MAF: variants seen among roughly 807,000 people sequenced by gnomAD.
MAF encodes the protein transcription factor Maf.
A neutral mutation model predicts 22.0 loss-of-function variants in MAF; 10 were observed. The observed-to-expected ratio is 0.45, with a 90% CI of 0.28 to 0.77. The LOEUF (loss-of-function observed/expected upper bound fraction) is 0.77. Among genes scored for constraint, MAF ranks in the 30% least tolerant of loss-of-function variants. The pLI, the probability that MAF is intolerant of heterozygous loss-of-function variation, is 0.12. For synonymous variants in MAF, 337 were observed against 255.8 expected (o/e 1.32, Z -3.03); for missense variants, 544 against 548.4 (o/e 0.99, Z 0.08).
chr16:79,450,527 G>T, the MAF span, among the ~76,000 whole-genome samples: 1 of 152,174 alleles, frequency 6.6e-6, no homozygotes, highest in African/African-American at 2.4e-5. Flanking sequence ...CAACCCCCTG[G>T]CCTGATAGCA....
chr16:79,290,884 T>C, the MAF span, among the ~76,000 whole-genome samples: 1 of 152,240 alleles, frequency 6.6e-6, no homozygotes, highest in Non-Finnish European at 1.5e-5. Context: ...TCCCAATCTC[T>C]ACCCCCAAAA....
the MAF span, among the ~76,000 whole-genome samples, chr16:79,226,676 G>A: frequency 6.6e-6 from 1 of 152,038 alleles, no homozygotes. Context: ...ATGAAAAAGT[G>A]CTAATAATGT....
At chr16:79,398,702 C>T in the MAF span, among the ~76,000 whole-genome samples, 3 of 151,846 alleles carry the variant, frequency 2.0e-5, no homozygotes, top group Non-Finnish European at 4.4e-5. Flanking sequence ...TGGACTTGAC[C>T]TCCCCATCCA....
the MAF span, among the ~76,000 whole-genome samples, chr16:79,363,696 T>C: frequency 6.6e-6 from 1 of 152,042 alleles, no homozygotes; most frequent in Non-Finnish European, 1.5e-5. Context: ...CCTGAAAGCA[T>C]AAAGGAAGAA....
the MAF span, among the ~76,000 whole-genome samples, chr16:79,220,308 T>C: frequency 6.6e-6 from 1 of 150,398 alleles, no homozygotes; most frequent in African/African-American, 2.4e-5. Flanking sequence ...GCATTTAAGT[T>C]TGGGGGGCAG....
the MAF span, among the ~76,000 whole-genome samples, chr16:79,462,751 T>C: frequency 1.2e-4 from 19 of 152,356 alleles, no homozygotes; most frequent in African/African-American, 4.6e-4. Flanking sequence ...TTTGGACCTA[T>C]ACCTACACAT....
At chr16:79,327,782 T>C in the MAF span, among the ~76,000 whole-genome samples, 8 of 152,192 alleles carry the variant, frequency 5.3e-5, no homozygotes, top group Non-Finnish European at 1.0e-4. Context: ...AGGAAGATAC[T>C]CTTAGAAGCT....
chr16:79,207,397 G>T, the MAF span, among the ~76,000 whole-genome samples: 1,625 of 152,318 alleles, frequency 0.011, 21 homozygotes, highest in African/African-American at 0.03. Context: ...TTAGTCATGG[G>T]AACACTGCCG....
At chr16:79,343,295 C>G in the MAF span, among the ~76,000 whole-genome samples, 8 of 151,966 alleles carry the variant, frequency 5.3e-5, no homozygotes, top group Non-Finnish European at 1.0e-4. Flanking sequence ...TGGTTATTTC[C>G]TCATGAGTGT....
At chr16:79,418,903 G>A in the MAF span, among the ~76,000 whole-genome samples, 1 of 152,152 alleles carries the variant, frequency 6.6e-6, no homozygotes, top group East Asian at 1.9e-4. Context: ...CCTCTGCTGG[G>A]GGCTGCTGCC....
At chr16:79,335,628 A>AG in the MAF span, among the ~76,000 whole-genome samples, 1 of 152,222 alleles carries the variant, frequency 6.6e-6, no homozygotes. Context: ...GGGACCCCCA[A>AG]GGGGAAGGGA....
chr16:79,378,501 T>C, the MAF span, among the ~76,000 whole-genome samples: 2 of 152,200 alleles, frequency 1.3e-5, no homozygotes, highest in Non-Finnish European at 2.9e-5. Context: ...TGTTACTGTA[T>C]GACTTGAGCA....
the MAF span, among the ~76,000 whole-genome samples, chr16:79,384,956 G>A: frequency 1.3e-5 from 2 of 152,108 alleles, no homozygotes; most frequent in African/African-American, 4.8e-5. Flanking sequence ...AAGACACTGA[G>A]GCCATATTTG....
At chr16:79,583,369 A>G (rs575483284), downstream of MAF, among the ~76,000 whole-genome samples, 25 of 152,320 alleles carry the variant, frequency 1.6e-4, no homozygotes, top group South Asian at 5.2e-3. Context: ...AGACTAGAAA[A>G]AAAATATCGA....
the MAF span, among the ~76,000 whole-genome samples, chr16:79,346,660 C>T: frequency 1.7e-4 from 26 of 152,246 alleles, no homozygotes; most frequent in Non-Finnish European, 1.8e-4. Context: ...TGGATCTACA[C>T]GATACCAGGG....
the MAF span, among the ~76,000 whole-genome samples, chr16:79,565,689 C>T: frequency 0.075 from 11,473 of 152,206 alleles, 556 homozygotes; most frequent in Non-Finnish European, 0.11. Flanking sequence ...AGTTTCCTGA[C>T]GCCTCTCCAG....
At chr16:79,280,567 T>A in the MAF span, among the ~76,000 whole-genome samples, 1 of 152,190 alleles carries the variant, frequency 6.6e-6, no homozygotes, top group African/African-American at 2.4e-5. Flanking sequence ...ATGTGTCTTT[T>A]GAGTTTCCTA....
At chr16:79,232,896 A>C in the MAF span, among the ~76,000 whole-genome samples, 2 of 138,410 alleles carry the variant, frequency 1.4e-5, no homozygotes, top group Admixed American at 7.9e-5. Flanking sequence ...GCTGGAGTGC[A>C]GTGGCACCAT....
the MAF span, among the ~76,000 whole-genome samples, chr16:79,275,594 G>C: frequency 6.6e-6 from 1 of 152,204 alleles, no homozygotes; most frequent in African/African-American, 2.4e-5. Flanking sequence ...CTCTTCAGCA[G>C]ATTGTCTTGG....
Sources: allele counts gnomAD v4.1 joint callset (sites outside exome capture counted in the v4.1 genomes callset), GRCh38; gene constraint gnomAD v4.1.1; transcripts MANE v1.5; gene names NCBI Gene and HGNC (gene_info 2026-07-23, HGNC 2026-07-21).